GATB: variants seen among roughly 807,000 people sequenced by gnomAD.
GATB encodes glutamyl-tRNA amidotransferase subunit B, also known as glutamyl-tRNA(Gln) amidotransferase subunit B, mitochondrial.
A neutral mutation model predicts 62.3 loss-of-function variants in GATB; 39 were observed. That is an observed-to-expected ratio of 0.63 (90% CI 0.48 to 0.82). The LOEUF is 0.82. Ranked by LOEUF, GATB falls within the 40% of genes least tolerant of loss-of-function variation. The pLI is 0.00. For synonymous variants in GATB, 276 were observed against 258.9 expected (o/e 1.07, Z -0.63); for missense variants, 670 against 684.0 (o/e 0.98, Z 0.23).
intron 2 of GATB, among the ~76,000 whole-genome samples, chr4:151,734,572 C>T (rs562492664): frequency 4.6e-5 from 7 of 152,066 alleles, no homozygotes; most frequent in African/African-American, 1.4e-4. Flanking sequence ...CACCATCATT[C>T]GTCACAGAGT....
chr4:151,757,954 A>C (rs1739870388), intron 2 of GATB, among the ~76,000 whole-genome samples: 1 of 152,218 alleles, frequency 6.6e-6, no homozygotes, highest in Non-Finnish European at 1.5e-5. Flanking sequence ...TTTATTAGCT[A>C]AAACATTTAC....
intron 8 of GATB, among the ~76,000 whole-genome samples, chr4:151,701,951 T>C (rs1044230381): frequency 6.6e-6 from 1 of 152,248 alleles, no homozygotes; most frequent in Non-Finnish European, 1.5e-5. Flanking sequence ...AGATAGGCCA[T>C]GTGGAGTAGC....
intron 2 of GATB, among the ~76,000 whole-genome samples, chr4:151,732,587 C>T (rs1739290740): frequency 6.6e-6 from 1 of 152,078 alleles, no homozygotes; most frequent in Admixed American, 6.5e-5. Flanking sequence ...CTGCGGAAGG[C>T]TGCAGGGTCC....
chr4:151,733,598 C>T (rs1021477759), intron 2 of GATB, among the ~76,000 whole-genome samples: 1 of 152,130 alleles, frequency 6.6e-6, no homozygotes, highest in African/African-American at 2.4e-5. Flanking sequence ...GGAATCTTCC[C>T]TAATTCATTC....
chr4:151,758,789 G>C lies in GATB; in HGVS notation c.310C>G (p.Leu104Val), dbSNP rs139944626. Reference sequence around the variant, plus strand: ...AATCTTACCGGCAAAGTTCCAGGTAGAGATGCATCAAAAAAAGAAACCAAA... The same window carrying C: ...AATCTTACCGGCAAAGTTCCAGGTACAGATGCATCAAAAAAAGAAACCAAA... The part of the protein sequence containing the change: ...NSLVSFFDAS[L>V]PGTLPVLNRR... The change falls in exon 2 of 13, where the codon CTA becomes GTA. Residue 104 changes from leucine to valine, a missense_variant. By Grantham distance (32) the Leu-to-Val change is conservative. Coordinates refer to ENST00000263985, the MANE Select transcript of GATB (RefSeq NM_004564.3). 20 of 1,601,110 alleles carry C rather than the reference G, an allele frequency of 1.2e-5. No individual in the cohort carries two copies. In the African/African-American group the frequency reaches 2.1e-4, roughly 17 times the overall value.
At chr4:151,693,822 T>C (rs1019812381) in intron 9 of GATB, among the ~76,000 whole-genome samples, 2 of 152,214 alleles carry the variant, frequency 1.3e-5, no homozygotes, top group African/African-American at 2.4e-5. Context: ...CCAGTTCCAT[T>C]TAGGGGATAT....
At chr4:151,748,458 T>C (rs1309088958) in intron 2 of GATB, among the ~76,000 whole-genome samples, 1 of 152,208 alleles carries the variant, frequency 6.6e-6, no homozygotes, top group Non-Finnish European at 1.5e-5. Context: ...TGGCTAGCCA[T>C]ATGTAGAAAG....
rs796929446 is a variant in GATB, at chr4:151,703,980, G to A, written c.963-85C>T. ...TGGGGAAGGGCTCCCCTACCAATAA[G>A]GGGCACAGGCAAAATCAAACTCTGT... On this transcript the variant is annotated intron_variant, in intron 7 of 12. Coordinates refer to ENST00000263985, the MANE Select transcript of GATB (RefSeq NM_004564.3). 21 of 850,268 alleles carry A rather than the reference G, an allele frequency of 2.5e-5. No homozygotes were observed. In the African/African-American group the frequency reaches 3.2e-4, roughly 13 times the overall value. The allele number at this position is 850,268 out of a possible 1,614,324, so 52.7% of individuals were successfully genotyped here.
chr4:151,689,615 G>T (rs1487190235), intron 9 of GATB, among the ~76,000 whole-genome samples: 1 of 152,036 alleles, frequency 6.6e-6, no homozygotes, highest in African/African-American at 2.4e-5. Flanking sequence ...TATTAGGTTG[G>T]TGCAAAAGTA....
chr4:151,715,996 C>T lies in GATB; in HGVS notation c.763+13G>A, dbSNP rs1274106912. 3.7e-6 allele frequency: 6 copies of T among 1,612,686 alleles called. No homozygotes were observed. The African/African-American group carries it at 6.7e-5, about 18-fold the overall frequency. On this transcript the variant is annotated intron_variant, in intron 5 of 12. Transcript: ENST00000263985. ...GGAGAGGGAAAGAAGAATACTGCTT[C>T]TGTGGCTTCTACCTGCCATGTTCGC...
At chr4:151,719,362 C>G (rs572704707) in intron 3 of GATB, 63 bp downstream of exon 3, 304 of 1,197,606 alleles carry the variant, frequency 2.5e-4, no homozygotes, top group Non-Finnish European at 3.5e-4. Flanking sequence ...GCTCCGACCC[C>G]CCACAGCAGG....
Position 151,708,050 on chromosome 4 carries a change from G to A in GATB, c.815C>T (p.Pro272Leu), listed in dbSNP as rs1560851810. ...CTTCACTTCCGTTCGAACGCCCAAA[G>A]GCTCCCCAGGGTGATGCACGGATAT... ...ANISVHHPGE[P>L]LGVRTEVKNL... The change falls in exon 6 of 13, where the codon CCT (proline) becomes CTT (leucine). Residue 272 changes from proline to leucine, a missense_variant. Transcript: ENST00000263985. The A allele has an allele frequency of 6.2e-7, 1 of 1,614,174 alleles. No individual in the cohort carries two copies. The highest frequency in any genetic ancestry group is 2.2e-5 in the East Asian group (1 of 44,886).
intron 2 of GATB, among the ~76,000 whole-genome samples, chr4:151,732,247 CATG>C (rs1293079942): frequency 6.6e-6 from 1 of 152,180 alleles, no homozygotes; most frequent in Non-Finnish European, 1.5e-5. Flanking sequence ...GAGAATGGGC[CATG>C]ATGACGATGG....
At chr4:151,683,485 TG>T (rs753148918) in intron 10 of GATB, among the ~76,000 whole-genome samples, 38 of 152,208 alleles carry the variant, frequency 2.5e-4, no homozygotes, top group Non-Finnish European at 4.8e-4. Context: ...GTCCTCTTGC[TG>T]GGTCCTCTGA....
chr4:151,681,098 T>G (rs1245632978), intron 10 of GATB, among the ~76,000 whole-genome samples: 1 of 152,228 alleles, frequency 6.6e-6, no homozygotes, highest in Non-Finnish European at 1.5e-5. Context: ...TCATGCAAAA[T>G]TAATTTCTTT....
chr4:151,736,513 T>A (rs1739377211), intron 2 of GATB, among the ~76,000 whole-genome samples: 1 of 152,224 alleles, frequency 6.6e-6, no homozygotes, highest in Admixed American at 6.5e-5. Flanking sequence ...AAACTTCTCA[T>A]TAATTGTTAC....
In GATB at chr4:151,716,988, AC is replaced by A. The variant is rs978315165; in HGVS notation, c.527del (p.Ser176IlefsTer3). The A allele has an allele frequency of 3.1e-6, 5 of 1,613,912 alleles. No individual in the cohort carries two copies. The highest frequency in any genetic ancestry group is 3.4e-6 in the Non-Finnish European group (4 of 1,179,954). On this transcript the variant is annotated frameshift_variant, in exon 4 of 13. Coordinates refer to ENST00000263985, the MANE Select transcript of GATB (RefSeq NM_004564.3). LOFTEE classifies it high-confidence loss of function. ...IYGVCAGKKQ[S>X]QVIPKTVRIK... is the part of the protein sequence containing the mutation. ...TCCTCACCGTCTTGGGGATCACCTG[AC>A]TCTGCTTCTTCCCTGCACAGACGCC...
intron 11 of GATB, among the ~76,000 whole-genome samples, chr4:151,678,397 T>G (rs941355147): frequency 5.9e-5 from 9 of 152,144 alleles, no homozygotes; most frequent in African/African-American, 2.2e-4. Context: ...GGGAAGGTTT[T>G]TCCCTTCTTT....
Position 151,716,149 on chromosome 4 carries a change from A to G in GATB, c.641-18T>C. 2 of 1,607,404 alleles carry G rather than the reference A, an allele frequency of 1.2e-6. No individual in the cohort carries two copies. Among genetic ancestry groups the G allele is most frequent in the South Asian group, 2.2e-5 (2 of 89,656 alleles). On this transcript the variant is annotated intron_variant, in intron 4 of 12. Coordinates refer to ENST00000263985, the MANE Select transcript of GATB (RefSeq NM_004564.3). ...GCCCACTCCTACCAAAGAGGGGCAGAGTCAGCCTCACTGCAGCTCTCCAAT... is the reference window on the plus strand; with the variant it reads ...GCCCACTCCTACCAAAGAGGGGCAGGGTCAGCCTCACTGCAGCTCTCCAAT...
Sources: gnomAD v4.1 joint callset for allele counts (sites outside exome capture counted in the v4.1 genomes callset) on GRCh38, gnomAD v4.1.1 for gene constraint, MANE v1.5 for transcripts, NCBI Gene and HGNC (gene_info 2026-07-23, HGNC 2026-07-21) for gene names.